Variants in PKP2 observed in about 807,000 individuals in gnomAD.
PKP2 encodes the protein plakophilin 2.
PKP2 carries 73 observed loss-of-function variants against 83.4 expected under a neutral mutation model. That is an observed-to-expected ratio of 0.88 (90% CI 0.72 to 1.06). The LOEUF (loss-of-function observed/expected upper bound fraction) is 1.06. Among genes scored for constraint, PKP2 ranks in the 50% least tolerant of loss-of-function variants. PKP2 has a pLI of 0.00. For missense variants in PKP2, 966 were observed against 1,065.4 expected, an observed-to-expected ratio of 0.91 and a Z score of 1.30; for synonymous variants, 409 against 430.4, an observed-to-expected ratio of 0.95 and a Z score of 0.62.
At chr12:32,859,684 G>C (rs991138829) in intron 4 of PKP2, among the ~76,000 whole-genome samples, 1 of 152,142 alleles carries the variant, frequency 6.6e-6, no homozygotes, top group Non-Finnish European at 1.5e-5. Flanking sequence ...TTGAACTCTT[G>C]ACCTCAGGTC....
At chr12:32,888,482 C>T (rs1399367219) in intron 1 of PKP2, among the ~76,000 whole-genome samples, 1 of 151,676 alleles carries the variant, frequency 6.6e-6, no homozygotes, top group Non-Finnish European at 1.5e-5. Flanking sequence ...GCTAACCCAA[C>T]TTTTCTTTTT....
intron 5 of PKP2, among the ~76,000 whole-genome samples, chr12:32,850,565 C>CAAA (rs796225848): frequency 8.8e-6 from 1 of 114,242 alleles, no homozygotes. Context: ...GATTCTGTCT[C>CAAA]AAAAAAAAAA....
At chr12:32,867,459 T>C (rs1956859839) in intron 4 of PKP2, among the ~76,000 whole-genome samples, 1 of 152,206 alleles carries the variant, frequency 6.6e-6, no homozygotes, top group African/African-American at 2.4e-5. Context: ...GTTATCTTGA[T>C]TGTGATGATG....
intron 5 of PKP2, among the ~76,000 whole-genome samples, chr12:32,849,863 TGA>T (rs1253678117): frequency 1.3e-5 from 2 of 152,246 alleles, no homozygotes; most frequent in Non-Finnish European, 2.9e-5. Flanking sequence ...GAGGTGGTAC[TGA>T]GAGGAGTCCA....
chr12:32,823,810 C>G (rs1225793356), intron 7 of PKP2, among the ~76,000 whole-genome samples: 2 of 152,062 alleles, frequency 1.3e-5, no homozygotes, highest in East Asian at 3.9e-4. Context: ...ACCATGTTAT[C>G]CAGGATGGTC....
In PKP2 at chr12:32,849,378, C is replaced by T. The variant is rs1956677026; in HGVS notation, c.1378+1388G>A. Among the ~76,000 whole-genome samples the T allele has an allele frequency of 2.6e-5, 4 of 152,088 alleles. No individual in the cohort carries two copies. In the South Asian group the frequency reaches 6.2e-4, roughly 24 times the overall value. ...ACTACAGGCACACACCACTAACACA[C>T]CTGGCTAATTCTTTATTTTTCATAG... On this transcript the variant is annotated intron_variant, in intron 5 of 12. Coordinates refer to ENST00000340811, the MANE Select transcript of PKP2 (RefSeq NM_001005242.3).
intron 1 of PKP2, among the ~76,000 whole-genome samples, chr12:32,884,057 G>A (rs910172827): frequency 2.0e-5 from 3 of 152,150 alleles, no homozygotes; most frequent in Non-Finnish European, 4.4e-5. Context: ...ATGTCATAAA[G>A]GGAAGAATTT....
At chr12:32,870,488 A>C (rs144184229) in intron 3 of PKP2, among the ~76,000 whole-genome samples, 286 of 152,048 alleles carry the variant, frequency 1.9e-3, no homozygotes, top group African/African-American at 6.7e-3. Flanking sequence ...TCATATTTTT[A>C]ATGTGCCTCA....
chr12:32,807,295 C>CT (rs1438851925), intron 9 of PKP2, among the ~76,000 whole-genome samples: 5 of 152,174 alleles, frequency 3.3e-5, no homozygotes, highest in South Asian at 4.1e-4. Context: ...CCTTCTTTGT[C>CT]TTTTTTTGAT....
intron 3 of PKP2, among the ~76,000 whole-genome samples, chr12:32,874,818 G>C (rs1270715300): frequency 6.6e-6 from 1 of 152,066 alleles, no homozygotes; most frequent in East Asian, 1.9e-4. Flanking sequence ...ACAGCTCACT[G>C]TAGCCTCAAC....
intron 3 of PKP2, among the ~76,000 whole-genome samples, chr12:32,874,610 CCTGT>C (rs1427632887): frequency 2.0e-5 from 3 of 151,964 alleles, no homozygotes; most frequent in African/African-American, 4.8e-5. Flanking sequence ...TACAATTTAC[CCTGT>C]CTATTAAAAC....
At chr12:32,801,947 A>C (rs1386587944) in intron 10 of PKP2, among the ~76,000 whole-genome samples, 2 of 152,112 alleles carry the variant, frequency 1.3e-5, no homozygotes, top group African/African-American at 2.4e-5. Flanking sequence ...TTTTTTTAAT[A>C]GTCCAACACA....
rs1956379210 is a variant in PKP2 at position 32,821,545 on chromosome 12, A to G, written c.1840-16T>C. Reference sequence around the variant, plus strand: ...CCTGGTATTGCTGACCACACACAAAAGGAATCCAGAATTAATGCATGTCAG... The same window carrying G: ...CCTGGTATTGCTGACCACACACAAAGGGAATCCAGAATTAATGCATGTCAG... On this transcript the variant is annotated splice_polypyrimidine_tract_variant and intron_variant, in intron 8 of 12. Transcript: ENST00000340811. 1.2e-6 allele frequency: 2 copies of G among 1,613,570 alleles called. No homozygotes were observed. Among genetic ancestry groups the G allele is most frequent in the Non-Finnish European group, 1.7e-6 (2 of 1,179,724 alleles).
intron 1 of PKP2, among the ~76,000 whole-genome samples, chr12:32,886,455 A>T (rs969772354): frequency 2.0e-5 from 3 of 152,174 alleles, no homozygotes; most frequent in Non-Finnish European, 4.4e-5. Flanking sequence ...ATATACTGAG[A>T]CTCATCAAAG....
In PKP2 at chr12:32,821,500, T is replaced by C. The variant is rs749536693; in HGVS notation, c.1869A>G (p.Glu623=). 1.9e-6 allele frequency: 3 copies of C among 1,614,032 alleles called. No homozygotes were observed. In the South Asian group the frequency reaches 3.3e-5, roughly 18 times the overall value. Residue 623 remains glutamate, a synonymous_variant, in exon 9 of 13, where the codon GAA becomes GAG. Coordinates refer to ENST00000340811, the MANE Select transcript of PKP2 (RefSeq NM_001005242.3). ...EQYQDVPMPE[E]KSNPKGVEWL... is the part of the protein sequence containing the mutation. ...ACTCCACGCCCTTGGGGTTGCTCTT[T>C]TCCTCCGGCATCGGCACGTCCTGGT...
intron 5 of PKP2, among the ~76,000 whole-genome samples, chr12:32,844,654 A>C (rs1237398133): frequency 3.3e-5 from 5 of 152,200 alleles, no homozygotes; most frequent in African/African-American, 9.6e-5. Context: ...TACTTGTAAG[A>C]CCCAGCTCTA....
intron 1 of PKP2, chr12:32,894,860 C>T (rs1282999451): frequency 6.6e-6 from 1 of 152,100 alleles, no homozygotes; most frequent in Admixed American, 6.5e-5. Context: ...TTTAGTCAGA[C>T]CCCTAAGTCT....
At chr12:32,826,067 G>A (rs1223957600) in intron 6 of PKP2, among the ~76,000 whole-genome samples, 1 of 152,072 alleles carries the variant, frequency 6.6e-6, no homozygotes, top group African/African-American at 2.4e-5. Context: ...CACTTTGGGA[G>A]GCCGAGGCAG....
chr12:32,881,653 ATTG>A (rs1390636614), intron 1 of PKP2, among the ~76,000 whole-genome samples: 15 of 152,018 alleles, frequency 9.9e-5, no homozygotes, highest in South Asian at 2.1e-4. Flanking sequence ...TCATATTATT[ATTG>A]TTATTATTAT....
Sources: gnomAD v4.1 joint callset for allele counts (sites outside exome capture counted in the v4.1 genomes callset) on GRCh38, gnomAD v4.1.1 for gene constraint, MANE v1.5 for transcripts, NCBI Gene and HGNC (gene_info 2026-07-23, HGNC 2026-07-21) for gene names.